Variants in RALYL observed in about 807,000 individuals in gnomAD.
The protein encoded by RALYL is RALY RNA binding protein like.
In RALYL, 29 loss-of-function variants were observed where a neutral mutation model predicts 35.1. The ratio of observed to expected loss-of-function variants is 0.83; its 90% CI spans 0.61 to 1.13. RALYL has a LOEUF of 1.13. Among genes scored for constraint, RALYL ranks in the 50% most tolerant of loss-of-function variants. RALYL has a pLI of 0.00. For missense variants in RALYL, 359 were observed against 360.4 expected, an observed-to-expected ratio of 1.00 and a Z score of 0.03; for synonymous variants, 120 against 127.6, an observed-to-expected ratio of 0.94 and a Z score of 0.40.
chr8:84,407,589 T>A (rs2043671293), intron 1 of RALYL, among the ~76,000 whole-genome samples: 1 of 152,112 alleles, frequency 6.6e-6, no homozygotes, highest in Non-Finnish European at 1.5e-5. Flanking sequence ...GGTAATAGAT[T>A]TCCCTATGTC....
intron 1 of RALYL, among the ~76,000 whole-genome samples, chr8:84,234,860 G>A (rs1826154788): frequency 6.6e-6 from 1 of 151,836 alleles, no homozygotes; most frequent in South Asian, 2.1e-4. Context: ...TGCCTCCCAG[G>A]TTCAAGTGAT....
chr8:84,577,723 A>G (rs964274440), intron 2 of RALYL, among the ~76,000 whole-genome samples: 3 of 152,160 alleles, frequency 2.0e-5, no homozygotes, highest in Non-Finnish European at 4.4e-5. Context: ...GAAAATATAA[A>G]TTATATCTTA....
chr8:84,449,136 A>G (rs1293923682), intron 1 of RALYL, among the ~76,000 whole-genome samples: 1 of 145,804 alleles, frequency 6.9e-6, no homozygotes, highest in Non-Finnish European at 1.5e-5. Context: ...TCAGGACATT[A>G]AAAAATAAGT....
intron 1 of RALYL, among the ~76,000 whole-genome samples, chr8:84,499,852 A>G (rs1471593890): frequency 1.3e-5 from 2 of 152,178 alleles, no homozygotes; most frequent in East Asian, 3.8e-4. Context: ...ACTCCCAGGC[A>G]TAAGTCATCC....
intron 3 of RALYL, among the ~76,000 whole-genome samples, chr8:84,781,270 T>G (rs967856783): frequency 1.3e-5 from 2 of 152,220 alleles, no homozygotes; most frequent in East Asian, 3.8e-4. Context: ...TAAAATTTTT[T>G]AAAAGATTAT....
At chr8:84,839,182 C>CG in intron 4 of RALYL, among the ~76,000 whole-genome samples, 1 of 152,322 alleles carries the variant, frequency 6.6e-6, no homozygotes, top group East Asian at 1.9e-4. Context: ...TCACCTCCCC[C>CG]GGGAAGTGCA....
At chr8:84,547,547 T>C (rs1439921842) in intron 2 of RALYL, among the ~76,000 whole-genome samples, 2 of 151,876 alleles carry the variant, frequency 1.3e-5, no homozygotes, top group Non-Finnish European at 1.5e-5. Context: ...GCCCGTCTAA[T>C]CGTTTGTATT....
At chr8:84,341,542 A>T (rs1234200579) in intron 1 of RALYL, among the ~76,000 whole-genome samples, 2 of 152,012 alleles carry the variant, frequency 1.3e-5, no homozygotes, top group East Asian at 3.9e-4. Flanking sequence ...TCGCATTTAT[A>T]TATCTACAAT....
At chr8:84,472,676 G>A (rs2052923714) in intron 1 of RALYL, among the ~76,000 whole-genome samples, 1 of 151,910 alleles carries the variant, frequency 6.6e-6, no homozygotes, top group Non-Finnish European at 1.5e-5. Context: ...TTCCTTGAAT[G>A]TAAACTCAAG....
chr8:84,750,684 T>C (rs1036839755), intron 2 of RALYL, among the ~76,000 whole-genome samples: 2 of 152,086 alleles, frequency 1.3e-5, no homozygotes, highest in Non-Finnish European at 2.9e-5. Flanking sequence ...TAATGGGTTA[T>C]TATGGAAGTG....
chr8:84,388,332 A>T (rs1265358867), intron 1 of RALYL, among the ~76,000 whole-genome samples: 4 of 152,128 alleles, frequency 2.6e-5, no homozygotes, highest in South Asian at 4.1e-4. Flanking sequence ...TAGCAGCATG[A>T]TTTATAGTCC....
chr8:84,472,863 G>A (rs566111526), intron 1 of RALYL, among the ~76,000 whole-genome samples: 22 of 152,262 alleles, frequency 1.4e-4, no homozygotes, highest in East Asian at 3.9e-4. Flanking sequence ...GCTCTATGCG[G>A]ACTGCCTGCT....
intron 2 of RALYL, among the ~76,000 whole-genome samples, chr8:84,646,403 C>T (rs1477737797): frequency 6.6e-6 from 1 of 151,936 alleles, no homozygotes; most frequent in East Asian, 1.9e-4. Flanking sequence ...TCTAATTCAG[C>T]ATACTTTGAA....
intron 2 of RALYL, among the ~76,000 whole-genome samples, chr8:84,731,432 A>G (rs1846158658): frequency 6.6e-6 from 1 of 152,164 alleles, no homozygotes. Flanking sequence ...GAGGCAGCAT[A>G]CATATTGATT....
intron 3 of RALYL, among the ~76,000 whole-genome samples, chr8:84,776,583 T>C (rs1816899326): frequency 6.6e-6 from 1 of 152,206 alleles, no homozygotes. Context: ...TGTAAATGTA[T>C]ACATTAGAGC....
chr8:84,807,287 A>C (rs1563647277), intron 4 of RALYL, among the ~76,000 whole-genome samples: 1 of 152,136 alleles, frequency 6.6e-6, no homozygotes, highest in Non-Finnish European at 1.5e-5. Context: ...TTCCTGAGTT[A>C]CTTCACTTAG....
At chr8:84,248,375 C>G (rs1829538695) in intron 1 of RALYL, among the ~76,000 whole-genome samples, 1 of 152,096 alleles carries the variant, frequency 6.6e-6, no homozygotes, top group African/African-American at 2.4e-5. Context: ...TCCTGATAGG[C>G]AAACAATGCC....
At chr8:84,602,862 T>C (rs773784180) in intron 2 of RALYL, among the ~76,000 whole-genome samples, 9 of 151,910 alleles carry the variant, frequency 5.9e-5, no homozygotes, top group Non-Finnish European at 1.3e-4. Context: ...ATAAAGAAAA[T>C]AGATTTCTGT....
chr8:84,270,269 G>A (rs1279306702), intron 1 of RALYL, among the ~76,000 whole-genome samples: 1 of 152,174 alleles, frequency 6.6e-6, no homozygotes, highest in Admixed American at 6.5e-5. Context: ...GGAAGAAGGA[G>A]CACAAATAAT....
Sources: allele counts gnomAD v4.1 joint callset (sites outside exome capture counted in the v4.1 genomes callset), GRCh38; gene constraint gnomAD v4.1.1; transcripts MANE v1.5; gene names NCBI Gene and HGNC (gene_info 2026-07-23, HGNC 2026-07-21).